The following HMCN1 variants were observed in gnomAD, a reference collection of about 807,000 sequenced individuals.
The protein encoded by HMCN1 is hemicentin-1.
A neutral mutation model predicts 625.9 loss-of-function variants in HMCN1; 321 were observed. That is an observed-to-expected ratio of 0.51 (90% CI 0.47 to 0.56). The LOEUF (loss-of-function observed/expected upper bound fraction) is 0.56. Ranked by LOEUF, HMCN1 falls within the 20% of genes least tolerant of loss-of-function variation. The probability of loss-of-function intolerance (pLI) is 0.00; values close to 1 mark genes in which losing one functional copy is unlikely to be tolerated. For missense variants in HMCN1, 6,588 were observed against 6,887.3 expected, an observed-to-expected ratio of 0.96 and a Z score of 1.54; for synonymous variants, 2,425 against 2,417.6, an observed-to-expected ratio of 1.00 and a Z score of -0.09.
chr1:185,734,819 G>C lies in HMCN1; in HGVS notation c.40G>C (p.Ala14Pro), dbSNP rs1161902426. Residue 14 changes from alanine (A) to proline (P), a missense_variant, in exon 1 of 107, where the codon GCT becomes CCT. Physicochemically the swap from Ala to Pro is conservative, Grantham distance 27. This residue lies in a region of HMCN1 where 4,628 missense variants were observed against 4,853.1 expected (regional missense o/e 0.95). Transcript: ENST00000271588. ...WEVVHTVFLFALLYSSLAQDA... is the reference protein window; with the variant it reads ...WEVVHTVFLFPLLYSSLAQDA... ...AGTTGTCCATACAGTATTCCTGTTT[G>C]CTCTTCTTTATTCTTCCCTAGCTCA... 1 of 1,614,102 alleles carries C rather than the reference G, an allele frequency of 6.2e-7. No individual in the cohort carries two copies. The highest frequency in any genetic ancestry group is 8.5e-7 in the Non-Finnish European group (1 of 1,179,954).
intron 15 of HMCN1, among the ~76,000 whole-genome samples, chr1:185,975,360 T>C (rs78194929): frequency 0.03 from 4,515 of 152,150 alleles, 229 homozygotes; most frequent in African/African-American, 0.1. Flanking sequence ...CTTATAATCA[T>C]GGCAGAAGGC....
In HMCN1 at chr1:186,159,328, A is replaced by G. The variant is rs919225171; in HGVS notation, c.15256+5341A>G. 5.8e-4 allele frequency among the ~76,000 whole-genome samples: 89 copies of G among 152,316 alleles called. 1 individual carries two copies. The highest frequency in any genetic ancestry group is 1.8e-3 in the African/African-American group (76 of 41,570). On this transcript the variant is annotated intron_variant, in intron 97 of 106. Transcript: ENST00000271588. ...CTTAAGAAGATTTTGGGCTGAGACA[A>G]TGGGGTTTTCTAGATGTACAATCAT...
chr1:185,754,698 A>G (rs1425442815), intron 1 of HMCN1, among the ~76,000 whole-genome samples: 1 of 152,158 alleles, frequency 6.6e-6, no homozygotes, highest in Non-Finnish European at 1.5e-5. Context: ...AAAAATACAA[A>G]TTAACCAGGC....
At chr1:185,972,151 A>G (rs894927695) in intron 15 of HMCN1, among the ~76,000 whole-genome samples, 1 of 152,322 alleles carries the variant, frequency 6.6e-6, no homozygotes, top group Non-Finnish European at 1.5e-5. Flanking sequence ...TTTTATGTTT[A>G]CTCAACATTC....
At chr1:185,942,008 T>A (rs1571591308) in intron 11 of HMCN1, among the ~76,000 whole-genome samples, 1 of 151,786 alleles carries the variant, frequency 6.6e-6, no homozygotes, top group South Asian at 2.1e-4. Context: ...CCTGACAACA[T>A]GGTGAAACTC....
chr1:185,877,116 T>C (rs2102381863), intron 4 of HMCN1, among the ~76,000 whole-genome samples: 1 of 152,014 alleles, frequency 6.6e-6, no homozygotes, highest in African/African-American at 2.4e-5. Context: ...TCTAATTTCA[T>C]TTTTCTGCAT....
chr1:186,048,707 A>C (rs373782896), intron 41 of HMCN1, 36 bp from the exon 42 acceptor site: 36 of 1,243,048 alleles, frequency 2.9e-5, no homozygotes, highest in Non-Finnish European at 4.2e-5. Context: ...CAAGTGAAAT[A>C]GAAAGTGTGA....
At chr1:186,117,411 G>T (rs779292718) in intron 76 of HMCN1, 48 bp from the exon 77 acceptor site, 3 of 1,592,164 alleles carry the variant, frequency 1.9e-6, no homozygotes, top group South Asian at 1.1e-5. Flanking sequence ...ATCTTTAAGG[G>T]CTGGAAATGT....
chr1:186,167,456 C>T (rs575806133), intron 100 of HMCN1, among the ~76,000 whole-genome samples: 7 of 152,256 alleles, frequency 4.6e-5, no homozygotes, highest in South Asian at 2.1e-4. Flanking sequence ...CAGGGCGGTA[C>T]GTTTGTTACA....
chr1:186,135,752 C>A (rs1449143341), intron 86 of HMCN1, among the ~76,000 whole-genome samples: 2 of 152,260 alleles, frequency 1.3e-5, no homozygotes, highest in East Asian at 1.9e-4. Flanking sequence ...CTTAATAATT[C>A]TTGGATATGT....
At chr1:186,095,925 C>A (rs1389649912) in intron 68 of HMCN1, among the ~76,000 whole-genome samples, 1 of 152,120 alleles carries the variant, frequency 6.6e-6, no homozygotes, top group Non-Finnish European at 1.5e-5. Context: ...CTGGAATAAT[C>A]ATTTCAAATA....
In HMCN1 at chr1:185,927,638, A is replaced by G. The variant is rs115280605; in HGVS notation, c.1431-908A>G. Reference sequence around the variant, plus strand: ...TGTTTGGATGGGGAGCGATCTAGAGATATCACCATAAGGTATTATATTTTA... The same window carrying G: ...TGTTTGGATGGGGAGCGATCTAGAGGTATCACCATAAGGTATTATATTTTA... On this transcript the variant is annotated intron_variant, in intron 9 of 106. Transcript: ENST00000271588. Among the ~76,000 whole-genome samples the G allele has an allele frequency of 6.0e-3, 913 of 152,256 alleles. 5 individuals are homozygous for G. The highest frequency in any genetic ancestry group is 0.021 in the African/African-American group (872 of 41,542).
Position 186,115,409 on chromosome 1 carries a change from A to G in HMCN1, c.11556A>G (p.Ser3852=), listed in dbSNP as rs144346158. The part of the protein sequence containing the change: ...HLLNVDQNQN[S]YRLLSSGSLV... ...TTAATGTGGATCAAAATCAGAACTC[A>G]TACAGGTAAGGATAATTTAAAACTC... Residue 3852 remains serine, a synonymous_variant, in exon 75 of 107, where the codon TCA becomes TCG. Transcript: ENST00000271588. The G allele has an allele frequency of 5.6e-6, 9 of 1,612,922 alleles. No individual in the cohort carries two copies. In the South Asian group the frequency reaches 9.9e-5, roughly 18 times the overall value.
At chr1:185,897,512 A>G (rs1290362526) in intron 4 of HMCN1, among the ~76,000 whole-genome samples, 1 of 152,144 alleles carries the variant, frequency 6.6e-6, no homozygotes, top group Non-Finnish European at 1.5e-5. Context: ...CAGCTATGAC[A>G]CACTTTAGTA....
intron 11 of HMCN1, among the ~76,000 whole-genome samples, chr1:185,951,412 C>T (rs552332806): frequency 1.5e-4 from 23 of 151,506 alleles, no homozygotes; most frequent in East Asian, 5.8e-4. Context: ...GCAAGGGAAA[C>T]GGGCCCTTGA....
chr1:185,954,049 C>G (rs1229197179), intron 11 of HMCN1, among the ~76,000 whole-genome samples: 2 of 151,354 alleles, frequency 1.3e-5, no homozygotes, highest in African/African-American at 2.4e-5. Flanking sequence ...TCACTTAAGG[C>G]AAGGACCGGC....
chr1:185,973,161 C>T (rs1234276235), intron 15 of HMCN1, among the ~76,000 whole-genome samples: 1 of 152,084 alleles, frequency 6.6e-6, no homozygotes, highest in Non-Finnish European at 1.5e-5. Flanking sequence ...AAAGATAAAA[C>T]GAGACATCAT....
intron 22 of HMCN1, among the ~76,000 whole-genome samples, chr1:185,992,905 C>T (rs1172783710): frequency 1.3e-5 from 2 of 152,016 alleles, no homozygotes; most frequent in African/African-American, 2.4e-5. Context: ...CTCAAATATA[C>T]ATTTGCTTTA....
intron 52 of HMCN1, among the ~76,000 whole-genome samples, chr1:186,071,232 C>T (rs954437051): frequency 1.3e-5 from 2 of 152,206 alleles, no homozygotes; most frequent in Non-Finnish European, 2.9e-5. Context: ...TAAAGTTACT[C>T]AGATATTCTT....
Sources: allele counts gnomAD v4.1 joint callset (sites outside exome capture counted in the v4.1 genomes callset), GRCh38; gene constraint gnomAD v4.1.1; regional missense constraint gnomAD v4.1.1; transcripts MANE v1.5; gene names NCBI Gene and HGNC (gene_info 2026-07-23, HGNC 2026-07-21).